The following LNPK variants were observed in gnomAD, a reference collection of about 807,000 sequenced individuals.
The protein encoded by LNPK is lunapark, ER junction formation factor, also known as endoplasmic reticulum junction formation protein lunapark.
LNPK carries 29 observed loss-of-function variants against 55.2 expected under a neutral mutation model. That is an observed-to-expected ratio of 0.53 (90% CI 0.39 to 0.72). LNPK has a LOEUF of 0.72. LNPK is among the 30% of genes least tolerant of loss of function. The pLI, the probability that LNPK is intolerant of heterozygous loss-of-function variation, is 0.00. For synonymous variants in LNPK, 162 were observed against 168.2 expected (o/e 0.96, Z 0.29); for missense variants, 467 against 494.8 (o/e 0.94, Z 0.53).
In LNPK at chr2:175,929,565, C is replaced by G; in HGVS notation, c.*402G>C. On this transcript the variant is annotated 3_prime_UTR_variant, in exon 13 of 13. Coordinates refer to ENST00000272748, the MANE Select transcript of LNPK (RefSeq NM_030650.3). Reference sequence around the variant, plus strand: ...TTTTTAATAATGAAGTAGTCAAAATCTTAACCAAGTTTCATTCCTTAAAAC... The same window carrying G: ...TTTTTAATAATGAAGTAGTCAAAATGTTAACCAAGTTTCATTCCTTAAAAC... The G allele has an allele frequency of 6.0e-6, 6 of 994,788 alleles. No homozygotes were observed. Among genetic ancestry groups the G allele is most frequent in the Non-Finnish European group, 7.2e-6 (6 of 835,706 alleles). 61.6% of individuals were successfully genotyped at this position (994,788 alleles called of 1,614,324 possible).
intron 5 of LNPK, among the ~76,000 whole-genome samples, chr2:175,977,795 A>G (rs1401410082): frequency 6.6e-6 from 1 of 152,220 alleles, no homozygotes; most frequent in African/African-American, 2.4e-5. Flanking sequence ...TTTGAACAAG[A>G]AAGAGAAATT....
At chr2:175,982,517 A>T (rs567487123) in intron 4 of LNPK, among the ~76,000 whole-genome samples, 1 of 152,270 alleles carries the variant, frequency 6.6e-6, no homozygotes, top group South Asian at 2.1e-4. Context: ...GGTAAAACAG[A>T]ATTTATTTTT....
intron 5 of LNPK, among the ~76,000 whole-genome samples, 166 bp from the exon 6 acceptor site, chr2:175,970,970 G>A (rs1281547281): frequency 1.3e-5 from 2 of 151,936 alleles, no homozygotes; most frequent in African/African-American, 2.4e-5. Flanking sequence ...CCCACATATA[G>A]TTCATATTTT....
In LNPK at chr2:175,925,099, CATACT is replaced by C. The variant is rs1195969366; in HGVS notation, c.*4863_*4867del. On this transcript the variant is annotated 3_prime_UTR_variant, in exon 13 of 13. Coordinates refer to ENST00000272748, the MANE Select transcript of LNPK (RefSeq NM_030650.3). ...TCATTTAGGATTTTCGGAAACTCAG[CATACT>C]ATATTTTATGAAAATCATCATATAA... The C allele has an allele frequency of 6.6e-6, 1 of 152,126 alleles. No individual in the cohort carries two copies. The highest frequency in any genetic ancestry group is 1.5e-5 in the Non-Finnish European group (1 of 68,020). 9.4% of individuals were successfully genotyped at this position (152,126 alleles called of 1,614,324 possible). A position where few individuals can be genotyped will look rare whatever the true frequency, so the allele number is the denominator to read the frequency against.
rs1323951970 is a variant in LNPK, at chr2:176,002,156, C to G, written c.-63+4G>C. 2 of 444,722 alleles carry G rather than the reference C, an allele frequency of 4.5e-6. No individual in the cohort carries two copies. The highest frequency in any genetic ancestry group is 2.4e-5 in the Admixed American group (1 of 40,918). The allele number at this position is 444,722 out of a possible 1,614,324, so 27.5% of individuals were successfully genotyped here. ...CCCAACTGCCCTCGCCTTGAGCGTT[C>G]TACCTGCAAGAAGCGGGCGCAGCCC... On this transcript the variant is annotated splice_donor_region_variant and intron_variant, in intron 1 of 12. Transcript: ENST00000272748.
Position 175,962,218 on chromosome 2 carries a change from G to A in LNPK, c.493+2154C>T, listed in dbSNP as rs186558899. ...GAAAAAACTATTTTAAAGTTCATAT[G>A]GAACCAAAAAAGAGCCTGCATTGCC... On this transcript the variant is annotated intron_variant, in intron 8 of 12. Transcript: ENST00000272748. Among the ~76,000 whole-genome samples, 733 of 152,214 alleles carry A rather than the reference G, an allele frequency of 4.8e-3. 2 individuals carry two copies. The highest frequency in any genetic ancestry group is 7.1e-3 in the Non-Finnish European group (482 of 68,004).
chr2:175,941,804 A>AAAG (rs1441134206), intron 9 of LNPK, among the ~76,000 whole-genome samples: 8 of 147,542 alleles, frequency 5.4e-5, no homozygotes, highest in African/African-American at 2.0e-4. Context: ...AAAAAAAAAA[A>AAAG]AAAGAAAAAG....
At chr2:175,992,813 A>G (rs1409130604) in intron 3 of LNPK, among the ~76,000 whole-genome samples, 1 of 152,156 alleles carries the variant, frequency 6.6e-6, no homozygotes, top group African/African-American at 2.4e-5. Context: ...TAACCCATCT[A>G]TTTATCACTC....
At position 176,002,230 on chromosome 2, in the gene LNPK, C is replaced by T. The variant is rs1024292215; in HGVS notation, c.-133G>A. 21 of 452,270 alleles carry T rather than the reference C, an allele frequency of 4.6e-5. No homozygotes were observed. The highest frequency in any genetic ancestry group is 9.3e-5 in the Non-Finnish European group (21 of 225,848). The allele number at this position is 452,270 out of a possible 1,614,324, so 28.0% of individuals were successfully genotyped here. ...GTCTCGGCCGCCACCGCCCAGCCTG[C>T]CTCCAGAGCAGGCAGCAGCCGCCAC... On this transcript the variant is annotated 5_prime_UTR_variant, in exon 1 of 13. Transcript: ENST00000272748.
intron 10 of LNPK, chr2:175,938,919 G>T (rs1261631734): frequency 6.6e-6 from 1 of 151,912 alleles, no homozygotes. Context: ...TACTTTCTCA[G>T]TTCTCTGTGG....
At position 175,939,405 on chromosome 2, in the gene LNPK, A is replaced by G. The variant is rs1684704690; in HGVS notation, c.812+147T>C. 3 of 420,134 alleles carry G rather than the reference A, an allele frequency of 7.1e-6. No homozygotes were observed. The South Asian group carries it at 3.5e-4, about 49-fold the overall frequency. The allele number at this position is 420,134 out of a possible 1,614,324, so 26.0% of individuals were successfully genotyped here. ...AAAACTTCTACTGTCAAATAATTGA[A>G]TATGTACTCTTTTGCAGGGCTATAA... On this transcript the variant is annotated intron_variant, in intron 10 of 12. Coordinates refer to ENST00000272748, the MANE Select transcript of LNPK (RefSeq NM_030650.3).
intron 1 of LNPK, among the ~76,000 whole-genome samples, chr2:176,001,461 A>G (rs1214831403): frequency 6.6e-6 from 1 of 152,162 alleles, no homozygotes; most frequent in Non-Finnish European, 1.5e-5. Context: ...CTCTTTCTCA[A>G]TCCGTAAACT....
chr2:175,926,016 A>T lies in LNPK; in HGVS notation c.*3951T>A, dbSNP rs901294042. ...TCAGGCTGCAGCACACAGAATAGATAGCAAGTGCACAAGGTTGGAGACAAA... is the reference window on the plus strand; with the variant it reads ...TCAGGCTGCAGCACACAGAATAGATTGCAAGTGCACAAGGTTGGAGACAAA... On this transcript the variant is annotated 3_prime_UTR_variant, in exon 13 of 13. Coordinates refer to ENST00000272748, the MANE Select transcript of LNPK (RefSeq NM_030650.3). The T allele has an allele frequency of 3.3e-5, 5 of 152,226 alleles. No individual in the cohort carries two copies. Among genetic ancestry groups the T allele is most frequent in the African/African-American group, 1.2e-4 (5 of 41,450 alleles). 9.4% of individuals were successfully genotyped at this position (152,226 alleles called of 1,614,324 possible).
intron 8 of LNPK, among the ~76,000 whole-genome samples, chr2:175,949,477 C>G (rs1685300117): frequency 6.6e-6 from 1 of 151,980 alleles, no homozygotes; most frequent in Non-Finnish European, 1.5e-5. Context: ...TAAAGCATAA[C>G]TCAAAAAGTG....
rs534119002 is a variant in LNPK, at chr2:175,929,976, C to G, written c.1278G>C (p.Thr426=). ...CACGTGGAAGCATTTACTACTCTGC[C>G]GTCAAAGATTCTCCACTTAGTTCAG... is the stretch of plus-strand genomic sequence containing the variant. ...PDPELSGESL[T]AE Residue 426 remains threonine, a synonymous_variant, in exon 13 of 13, where the codon ACG becomes ACC. Coordinates refer to ENST00000272748, the MANE Select transcript of LNPK (RefSeq NM_030650.3). 1.2e-6 allele frequency: 2 copies of G among 1,613,830 alleles called. No homozygotes were observed. Among genetic ancestry groups the G allele is most frequent in the Non-Finnish European group, 1.7e-6 (2 of 1,179,872 alleles).
chr2:175,938,295 T>C lies in LNPK; in HGVS notation c.883+18A>G, dbSNP rs774229040. On this transcript the variant is annotated intron_variant, in intron 11 of 12. Transcript: ENST00000272748. ...TTAAGCATAAAATATTTAAATCTCA[T>C]TGCCCAATAATTCTTACCAATGTAT... 8.9e-6 allele frequency: 13 copies of C among 1,465,214 alleles called. No homozygotes were observed. In the South Asian group the frequency reaches 1.6e-4, roughly 17 times the overall value. The allele number at this position is 1,465,214 out of a possible 1,614,324, so 90.8% of individuals were successfully genotyped here. A position where few individuals can be genotyped will look rare whatever the true frequency, so the allele number is the denominator to read the frequency against.
Position 175,978,674 on chromosome 2 carries a change from T to C in LNPK, c.316+1136A>G, listed in dbSNP as rs551364948. Among the ~76,000 whole-genome samples the C allele has an allele frequency of 5.1e-4, 78 of 152,352 alleles. 2 individuals are homozygous for C. The South Asian group carries it at 0.014, about 28-fold the overall frequency. ...AGTACATACTTGATATCTGCAATCA[T>C]AGATTTAAAATAAGTCTGGTCAGGT... On this transcript the variant is annotated intron_variant, in intron 5 of 12. Coordinates refer to ENST00000272748, the MANE Select transcript of LNPK (RefSeq NM_030650.3).
At chr2:175,967,647 C>T (rs748122043) in intron 6 of LNPK, 21 of 984,654 alleles carry the variant, frequency 2.1e-5, no homozygotes, top group Non-Finnish European at 2.4e-5. Context: ...TTTTATCATG[C>T]TGAAAATACT....
At chr2:175,939,465 T>C (rs1684707615) in intron 10 of LNPK, 87 bp downstream of exon 10, 2 of 580,382 alleles carry the variant, frequency 3.4e-6, no homozygotes, top group Non-Finnish European at 6.0e-6. Context: ...AGAAAATAGG[T>C]GCCACAAAAC....
Sources: allele counts gnomAD v4.1 joint callset (sites outside exome capture counted in the v4.1 genomes callset), GRCh38; gene constraint gnomAD v4.1.1; transcripts MANE v1.5; gene names NCBI Gene and HGNC (gene_info 2026-07-23, HGNC 2026-07-21).